PRKCQ: variants seen among roughly 807,000 people sequenced by gnomAD.
The protein encoded by PRKCQ is protein kinase C theta type.
A neutral mutation model predicts 91.2 loss-of-function variants in PRKCQ; 41 were observed. That is an observed-to-expected ratio of 0.45 (90% CI 0.35 to 0.58). PRKCQ has a LOEUF of 0.58. Ranked by LOEUF, PRKCQ falls within the 20% of genes least tolerant of loss-of-function variation. The pLI is 0.00. For missense variants in PRKCQ, 673 were observed against 896.5 expected, an observed-to-expected ratio of 0.75 and a Z score of 3.18; for synonymous variants, 307 against 316.9, an observed-to-expected ratio of 0.97 and a Z score of 0.33.
chr10:6,454,427 T>C (rs1834897837), intron 15 of PRKCQ, among the ~76,000 whole-genome samples: 7 of 152,034 alleles, frequency 4.6e-5, no homozygotes, highest in Admixed American at 4.6e-4. Flanking sequence ...TGTTTGAGCT[T>C]GGAGAAGGAA....
intron 16 of PRKCQ, among the ~76,000 whole-genome samples, chr10:6,431,547 C>A (rs1277522152): frequency 6.6e-6 from 1 of 152,198 alleles, no homozygotes; most frequent in Non-Finnish European, 1.5e-5. Context: ...CACACACGTA[C>A]AGGAACACAT....
At chr10:6,485,757 A>G (rs1836873026) in intron 9 of PRKCQ, among the ~76,000 whole-genome samples, 1 of 152,250 alleles carries the variant, frequency 6.6e-6, no homozygotes, top group Admixed American at 6.5e-5. Flanking sequence ...AAAGCTGTCA[A>G]TGAATCTTCA....
At chr10:6,411,638 C>T in the PRKCQ span, among the ~76,000 whole-genome samples, 1 of 152,186 alleles carries the variant, frequency 6.6e-6, no homozygotes, top group Admixed American at 6.5e-5. Context: ...TCCGTATTGG[C>T]CGTGACTGTT....
chr10:6,498,054 G>A (rs1335446638), intron 5 of PRKCQ, among the ~76,000 whole-genome samples: 1 of 152,184 alleles, frequency 6.6e-6, no homozygotes, highest in Non-Finnish European at 1.5e-5. Flanking sequence ...GCAGGGTTGG[G>A]CCATTAGGTG....
At chr10:6,575,887 A>G (rs1428082812) in intron 1 of PRKCQ, among the ~76,000 whole-genome samples, 1 of 152,168 alleles carries the variant, frequency 6.6e-6, no homozygotes, top group Non-Finnish European at 1.5e-5. Context: ...TAAAAATACA[A>G]AAGTTAGCTG....
At chr10:6,434,167 A>G (rs571092679) in intron 16 of PRKCQ, among the ~76,000 whole-genome samples, 6 of 152,190 alleles carry the variant, frequency 3.9e-5, no homozygotes, top group South Asian at 2.1e-4. Context: ...GATTAGATAG[A>G]TGGCGTAAGT....
rs528901039 is a variant in PRKCQ, at chr10:6,564,472, C to T, written c.-10+15739G>A. 3.2e-3 allele frequency among the ~76,000 whole-genome samples: 480 copies of T among 152,206 alleles called. 3 individuals are homozygous for T. Among genetic ancestry groups the T allele is most frequent in the Middle Eastern group, 6.8e-3 (2 of 294 alleles). Reference sequence around the variant, plus strand: ...TGCCCCTCCTTGATCTTGCCTGGCCCGTGACCTGTTTTTCACCCAAAGACC... The same window carrying T: ...TGCCCCTCCTTGATCTTGCCTGGCCTGTGACCTGTTTTTCACCCAAAGACC... On this transcript the variant is annotated intron_variant, in intron 1 of 17. Coordinates refer to ENST00000263125, the MANE Select transcript of PRKCQ (RefSeq NM_006257.5).
At chr10:6,432,534 C>T (rs1228781450) in intron 16 of PRKCQ, among the ~76,000 whole-genome samples, 1 of 152,138 alleles carries the variant, frequency 6.6e-6, no homozygotes, top group Non-Finnish European at 1.5e-5. Flanking sequence ...TCTAGGGAAA[C>T]TTGGGGTTCC....
chr10:6,560,900 G>A lies in PRKCQ; in HGVS notation c.-10+19311C>T, dbSNP rs185899884. 4.6e-5 allele frequency among the ~76,000 whole-genome samples: 7 copies of A among 152,146 alleles called. No homozygotes were observed. The South Asian group carries it at 1.0e-3, about 23-fold the overall frequency. On this transcript the variant is annotated intron_variant, in intron 1 of 17. Transcript: ENST00000263125. ...TAAAAATACAAAAAATTAGCCAGGC[G>A]TGGTGGTGGGCACCTGTAGACCCAG...
intron 12 of PRKCQ, among the ~76,000 whole-genome samples, chr10:6,477,063 A>G (rs942442116): frequency 3.3e-5 from 5 of 152,190 alleles, no homozygotes; most frequent in Admixed American, 6.5e-5. Flanking sequence ...GCGGGCCTGC[A>G]TTCTCCTAAA....
the PRKCQ span, among the ~76,000 whole-genome samples, chr10:6,421,574 A>G: frequency 6.6e-6 from 1 of 152,190 alleles, no homozygotes; most frequent in Non-Finnish European, 1.5e-5. The surrounding 1 kb of genome is among the most constrained non-coding windows in gnomAD (Gnocchi z 4.1). Flanking sequence ...TGTGCAGTGC[A>G]GATGTGGTAC....
Position 6,442,099 on chromosome 10 carries a change from A to G in PRKCQ, c.1648-18T>C. The stretch of plus-strand genomic sequence containing the variant: ...AGCAAGATCTGCACAACCAAAAGGC[A>G]GACAGGAAATTAACAGGAATGAGGC... On this transcript the variant is annotated intron_variant, in intron 15 of 17. Coordinates refer to ENST00000263125, the MANE Select transcript of PRKCQ (RefSeq NM_006257.5). 6.2e-7 allele frequency: 1 copy of G among 1,602,920 alleles called. No individual in the cohort carries two copies. Among genetic ancestry groups the G allele is most frequent in the South Asian group, 1.1e-5 (1 of 90,696 alleles).
In PRKCQ at chr10:6,430,923, GTTC is replaced by G; in HGVS notation, c.1849_1851del (p.Glu617del). 6.2e-7 allele frequency: 1 copy of G among 1,614,072 alleles called. No individual in the cohort carries two copies. ...CCCCTCACGCCCAGCCTCTTCTCAG[GTTC>G]TCGCACGAAGAGCTGAAAGGGAGCA... On this transcript the variant is annotated inframe_deletion, in exon 17 of 18. Coordinates refer to ENST00000263125, the MANE Select transcript of PRKCQ (RefSeq NM_006257.5). The surrounding 1 kb of genome is among the most constrained non-coding windows in gnomAD (Gnocchi z 4.7).
intron 1 of PRKCQ, among the ~76,000 whole-genome samples, chr10:6,568,778 G>A (rs1250593829): frequency 2.0e-5 from 3 of 152,088 alleles, no homozygotes; most frequent in African/African-American, 4.8e-5. Flanking sequence ...GATAACAGGC[G>A]TGAGCCACCG....
intron 1 of PRKCQ, among the ~76,000 whole-genome samples, chr10:6,522,217 C>A (rs944370852): frequency 9.2e-5 from 14 of 152,182 alleles, no homozygotes; most frequent in African/African-American, 3.4e-4. Context: ...GCCGGGATTA[C>A]AAGAGTGAGC....
chr10:6,556,049 G>A (rs1301720477), intron 1 of PRKCQ, among the ~76,000 whole-genome samples: 3 of 152,018 alleles, frequency 2.0e-5, no homozygotes, highest in Non-Finnish European at 4.4e-5. Context: ...ACCAGGATAT[G>A]GTTTAGGAAT....
At chr10:6,505,144 G>A (rs1047624465) in intron 4 of PRKCQ, among the ~76,000 whole-genome samples, 9 of 152,058 alleles carry the variant, frequency 5.9e-5, no homozygotes, top group Admixed American at 2.0e-4. Flanking sequence ...CACCTGCCTC[G>A]GCCTCCCAAA....
intron 16 of PRKCQ, among the ~76,000 whole-genome samples, chr10:6,437,645 T>A (rs191877703): frequency 5.9e-5 from 9 of 151,300 alleles, no homozygotes; most frequent in Admixed American, 5.9e-4. Context: ...ACTAACTTAT[T>A]ATTTTTTTTA....
At chr10:6,464,457 T>G in intron 12 of PRKCQ, 53 bp from the exon 13 acceptor site, 23 of 1,489,716 alleles carry the variant, frequency 1.5e-5, no homozygotes, top group Non-Finnish European at 2.1e-5. Context: ...TTTTATTTAT[T>G]TATTTTGTCC....
Sources: allele counts gnomAD v4.1 joint callset (sites outside exome capture counted in the v4.1 genomes callset), GRCh38; gene constraint gnomAD v4.1.1; non-coding constraint Gnocchi (gnomAD v3.1); transcripts MANE v1.5; gene names NCBI Gene and HGNC (gene_info 2026-07-23, HGNC 2026-07-21).